Variants in OPCML observed in about 807,000 individuals in gnomAD.
OPCML encodes the protein opioid binding protein/cell adhesion molecule like.
OPCML carries 13 observed loss-of-function variants against 37.8 expected under a neutral mutation model. The observed-to-expected ratio is 0.34, with a 90% CI of 0.22 to 0.55. OPCML has a LOEUF of 0.55. Ranked by LOEUF, OPCML falls within the 20% of genes least tolerant of loss-of-function variation. The probability of loss-of-function intolerance (pLI) is 0.91; values close to 1 mark genes in which losing one functional copy is unlikely to be tolerated. For missense variants in OPCML, 341 were observed against 435.6 expected (o/e 0.78, Z 1.93); for synonymous variants, 176 against 168.8 (o/e 1.04, Z -0.33).
chr11:133,406,020 G>T (rs914372988), intron 1 of OPCML, among the ~76,000 whole-genome samples: 5 of 152,100 alleles, frequency 3.3e-5, no homozygotes, highest in Non-Finnish European at 5.9e-5. Context: ...GTCTTGCCTT[G>T]CTTCCACTTG....
intron 1 of OPCML, among the ~76,000 whole-genome samples, chr11:133,334,264 C>T (rs915152137): frequency 2.0e-5 from 3 of 151,782 alleles, no homozygotes; most frequent in Admixed American, 1.3e-4. Flanking sequence ...ATGACAGATA[C>T]GGATAAAGAA....
At chr11:133,447,889 C>A (rs1946503919) in intron 1 of OPCML, among the ~76,000 whole-genome samples, 1 of 152,096 alleles carries the variant, frequency 6.6e-6, no homozygotes, top group Non-Finnish European at 1.5e-5. Flanking sequence ...AAGTTGAGTT[C>A]TTTGTCTTAT....
At chr11:132,868,000 T>G (rs1020518249) in intron 2 of OPCML, among the ~76,000 whole-genome samples, 1 of 152,216 alleles carries the variant, frequency 6.6e-6, no homozygotes, top group African/African-American at 2.4e-5. Context: ...CAAGCCAATC[T>G]TATTTGTTAA....
intron 4 of OPCML, among the ~76,000 whole-genome samples, chr11:132,510,140 T>C (rs555391465): frequency 1.3e-5 from 2 of 152,322 alleles, no homozygotes; most frequent in South Asian, 4.1e-4. Flanking sequence ...GACCACAATG[T>C]TGGATTTTGG....
At chr11:132,504,166 T>C (rs1565619268) in intron 4 of OPCML, among the ~76,000 whole-genome samples, 1 of 152,180 alleles carries the variant, frequency 6.6e-6, no homozygotes, top group Non-Finnish European at 1.5e-5. Flanking sequence ...ATAAGGAAGA[T>C]AGACTTGATT....
At chr11:133,241,968 C>T (rs1341801281) in intron 1 of OPCML, among the ~76,000 whole-genome samples, 1 of 152,230 alleles carries the variant, frequency 6.6e-6, no homozygotes, top group Non-Finnish European at 1.5e-5. Flanking sequence ...AAACCATCTA[C>T]CAACATCTTT....
intron 1 of OPCML, among the ~76,000 whole-genome samples, chr11:133,140,868 C>A (rs1252255098): frequency 7.8e-5 from 4 of 51,452 alleles, no homozygotes; most frequent in Non-Finnish European, 1.4e-4. Flanking sequence ...AAGACGACGA[C>A]GACGAAGAAG....
intron 1 of OPCML, chr11:133,421,094 T>C (rs1042088150): frequency 2.6e-4 from 253 of 985,286 alleles, no homozygotes; most frequent in Non-Finnish European, 3.0e-4. Context: ...TAATCTGCGG[T>C]CAGCAGGGCA....
In OPCML at chr11:132,536,520, T is replaced by C. The variant is rs186684184; in HGVS notation, c.380-7334A>G. On this transcript the variant is annotated intron_variant, in intron 3 of 7. Transcript: ENST00000524381. ...CTTAAAAATCTATTATTATTGTTTT[T>C]ACTTTATTGTTGTTATTATTATCAG... Among the ~76,000 whole-genome samples, 450 of 152,322 alleles carry C rather than the reference T, an allele frequency of 3.0e-3. 1 individual carries two copies. Among genetic ancestry groups the C allele is most frequent in the African/African-American group, 0.01 (430 of 41,570 alleles).
At chr11:133,086,671 AC>A (rs1430100505) in intron 1 of OPCML, among the ~76,000 whole-genome samples, 10 of 152,128 alleles carry the variant, frequency 6.6e-5, no homozygotes, top group Non-Finnish European at 1.3e-4. Flanking sequence ...CCCGTGCTGT[AC>A]CTTAGGTCCC....
chr11:132,484,511 A>G lies in OPCML; in HGVS notation c.505+44550T>C, dbSNP rs1016724746. Among the ~76,000 whole-genome samples the G allele has an allele frequency of 2.6e-5, 4 of 152,302 alleles. 1 individual carries two copies. Among genetic ancestry groups the G allele is most frequent in the African/African-American group, 7.2e-5 (3 of 41,566 alleles). On this transcript the variant is annotated intron_variant, in intron 4 of 7. Transcript: ENST00000524381. ...CAACCACTGTGGAAGTCAGTGTGGC[A>G]ATTCCTCAGGGATCTAGAACTAGCA...
At position 132,611,291 on chromosome 11, in the gene OPCML, C is replaced by T. The variant is rs536287278; in HGVS notation, c.379+45796G>A. Among the ~76,000 whole-genome samples, 52 of 152,188 alleles carry T rather than the reference C, an allele frequency of 3.4e-4. No individual in the cohort carries two copies. The South Asian group carries it at 1.0e-2, about 29-fold the overall frequency. ...GAGAAATCTTTGCGTGCTGTAGCTC[C>T]GCTGGTCTCTACACCTGGAATGCAC... On this transcript the variant is annotated intron_variant, in intron 3 of 7. Transcript: ENST00000524381.
intron 1 of OPCML, among the ~76,000 whole-genome samples, chr11:133,162,936 G>T (rs59925216): frequency 6.6e-6 from 1 of 152,126 alleles, no homozygotes; most frequent in Non-Finnish European, 1.5e-5. Flanking sequence ...CCAGCCTTGC[G>T]GTTTTGACCT....
At chr11:132,848,082 C>T (rs1941633440) in intron 2 of OPCML, among the ~76,000 whole-genome samples, 1 of 152,098 alleles carries the variant, frequency 6.6e-6, no homozygotes, top group Non-Finnish European at 1.5e-5. Flanking sequence ...AAGCATATAG[C>T]CCTAATCAGG....
intron 4 of OPCML, among the ~76,000 whole-genome samples, chr11:132,506,889 T>A (rs536820065): frequency 9.9e-4 from 150 of 151,928 alleles, no homozygotes; most frequent in Non-Finnish European, 1.9e-3. Flanking sequence ...TGCAAGTGGG[T>A]TAAACTCCCC....
intron 1 of OPCML, among the ~76,000 whole-genome samples, chr11:133,344,119 C>T (rs1446973700): frequency 6.6e-6 from 1 of 152,182 alleles, no homozygotes; most frequent in Non-Finnish European, 1.5e-5. Flanking sequence ...CTCCATTCGT[C>T]ATAATCCATC....
At chr11:133,180,061 A>G (rs999611059) in intron 1 of OPCML, among the ~76,000 whole-genome samples, 10 of 152,220 alleles carry the variant, frequency 6.6e-5, no homozygotes, top group Non-Finnish European at 1.3e-4. Flanking sequence ...AAAGACAGCA[A>G]GAATCAAAAA....
chr11:132,728,117 T>A (rs150793099), intron 2 of OPCML, among the ~76,000 whole-genome samples: 1 of 152,366 alleles, frequency 6.6e-6, no homozygotes, highest in Non-Finnish European at 1.5e-5. Flanking sequence ...GTGCCGCGCC[T>A]GTAACAAGCA....
intron 1 of OPCML, among the ~76,000 whole-genome samples, chr11:133,245,659 G>C (rs1301580244): frequency 6.6e-6 from 1 of 152,158 alleles, no homozygotes; most frequent in Non-Finnish European, 1.5e-5. Context: ...GATAACTTCA[G>C]TATGTTTTAA....
Sources: gnomAD v4.1 joint callset for allele counts (sites outside exome capture counted in the v4.1 genomes callset) on GRCh38, gnomAD v4.1.1 for gene constraint, MANE v1.5 for transcripts, NCBI Gene and HGNC (gene_info 2026-07-23, HGNC 2026-07-21) for gene names.